Variants in NCAPG2 observed in about 807,000 individuals in gnomAD.
The protein encoded by NCAPG2 is non-SMC condensin II complex subunit G2, also known as condensin-2 complex subunit G2.
In NCAPG2, 53 loss-of-function variants were observed where a neutral mutation model predicts 141.1. The observed-to-expected ratio is 0.38, with a 90% confidence interval of 0.30 to 0.47. The LOEUF is 0.47. Ranked by LOEUF, NCAPG2 falls within the 20% of genes least tolerant of loss-of-function variation. The pLI is 0.99. For missense variants in NCAPG2, 1,087 were observed against 1,389.0 expected (o/e 0.78, Z 3.46); for synonymous variants, 499 against 490.7 (o/e 1.02, Z -0.22).
intron 25 of NCAPG2, 31 bp downstream of exon 25, chr7:158,646,429 C>T: frequency 2.0e-6 from 3 of 1,522,156 alleles, no homozygotes; most frequent in Admixed American, 1.8e-5. Context: ...CCACGATGAG[C>T]ATTTCAGGAC....
intron 13 of NCAPG2, among the ~76,000 whole-genome samples, chr7:158,667,461 C>G (rs111569765): frequency 9.4e-5 from 13 of 138,308 alleles, no homozygotes; most frequent in African/African-American, 2.6e-4. Context: ...GGTCCCTCCG[C>G]CCGCCTTACC....
chr7:158,697,068 T>G (rs1036008348), intron 2 of NCAPG2, among the ~76,000 whole-genome samples: 1 of 151,870 alleles, frequency 6.6e-6, no homozygotes, highest in Non-Finnish European at 1.5e-5. Flanking sequence ...AGTATATTCC[T>G]TCTACATTTT....
chr7:158,661,686 A>T (rs1832518504), intron 16 of NCAPG2, among the ~76,000 whole-genome samples: 2 of 152,248 alleles, frequency 1.3e-5, no homozygotes, highest in Non-Finnish European at 2.9e-5. Context: ...CATCATGTTG[A>T]ACACAATAAA....
In NCAPG2 at chr7:158,664,649, C is replaced by T. The variant is rs1222772717; in HGVS notation, c.1581G>A (p.Leu527=). 1.2e-6 allele frequency: 2 copies of T among 1,613,910 alleles called. No homozygotes were observed. Among genetic ancestry groups the T allele is most frequent in the African/African-American group, 2.7e-5 (2 of 74,862 alleles). The change falls in exon 14 of 28, where the codon CTG becomes CTA. Residue 527 remains leucine, a synonymous_variant. Transcript: ENST00000356309. ...RLVSLIFNSF[L]PVNQPEEVWC... is the part of the protein sequence containing the mutation. ...AGACCTCCTCCGGCTGATTCACAGG[C>T]AGGAAAGAATTAAAGATGAGGCTCA...
chr7:158,646,501 C>A lies in NCAPG2; in HGVS notation c.3138G>T (p.Arg1046Ser). 6.3e-7 allele frequency: 1 copy of A among 1,589,508 alleles called. No homozygotes were observed. The highest frequency in any genetic ancestry group is 8.5e-7 in the Non-Finnish European group (1 of 1,173,672). Reference sequence around the variant, plus strand: ...ACTTTATTATTATTCCTATTAAACACCTTGAAAATGGTGGAAGATCAGAAA... The same window carrying A: ...ACTTTATTATTATTCCTATTAAACAACTTGAAAATGGTGGAAGATCAGAAA... Reference protein sequence around the residue: ...EHLSDLPPFSRCLIGIIIKSS... With the variant: ...EHLSDLPPFSSCLIGIIIKSS... The change falls in exon 25 of 28, where the codon AGG becomes AGT. Residue 1046 changes from arginine to serine, a missense_variant. Physicochemically the swap from Arg to Ser is moderately radical, Grantham distance 110 (BLOSUM62 -1). Transcript: ENST00000356309.
At chr7:158,647,032 C>CA (rs577862237) in intron 24 of NCAPG2, among the ~76,000 whole-genome samples, 1,835 of 91,492 alleles carry the variant, frequency 0.02, 15 homozygotes, top group African/African-American at 0.052. Flanking sequence ...CTCAATATGA[C>CA]AAAAAAAAAA....
At chr7:158,689,129 T>C (rs1834968288) in intron 6 of NCAPG2, among the ~76,000 whole-genome samples, 2 of 152,200 alleles carry the variant, frequency 1.3e-5, no homozygotes, top group African/African-American at 4.8e-5. Context: ...CTCAATTCTT[T>C]AGTAGTCATG....
Position 158,687,565 on chromosome 7 carries a change from T to C in NCAPG2, c.673-123A>G. 5 of 694,062 alleles carry C rather than the reference T, an allele frequency of 7.2e-6. No individual in the cohort carries two copies. The South Asian group carries it at 7.7e-5, about 11-fold the overall frequency. 43.0% of individuals were successfully genotyped at this position (694,062 alleles called of 1,614,324 possible). On this transcript the variant is annotated intron_variant, in intron 6 of 27. Coordinates refer to ENST00000356309, the MANE Select transcript of NCAPG2 (RefSeq NM_017760.7). ...ATTGCTAAAAACGAGGCACATGTAA[T>C]TATCACTGAGAGCACATGCACGAGT...
At chr7:158,666,372 A>G (rs1832938602) in intron 13 of NCAPG2, among the ~76,000 whole-genome samples, 2 of 152,060 alleles carry the variant, frequency 1.3e-5, no homozygotes, top group Non-Finnish European at 1.5e-5. Context: ...CCTGCAGGTG[A>G]CAGTGCTGTT....
At chr7:158,673,805 A>G (rs967403262) in intron 12 of NCAPG2, among the ~76,000 whole-genome samples, 3 of 152,166 alleles carry the variant, frequency 2.0e-5, no homozygotes, top group African/African-American at 7.2e-5. Context: ...CCAGCACTTG[A>G]AGAGTAAGAG....
chr7:158,639,381 T>TACAGCTG (rs1830490333), intron 27 of NCAPG2, among the ~76,000 whole-genome samples: 1 of 152,212 alleles, frequency 6.6e-6, no homozygotes, highest in African/African-American at 2.4e-5. Context: ...GTGCTGGGAT[T>TACAGCTG]ACAGCTGTAA....
Position 158,636,999 on chromosome 7 carries a change from A to G in NCAPG2, c.3381-5282T>C, listed in dbSNP as rs11978127. On this transcript the variant is annotated intron_variant, in intron 27 of 27. Coordinates refer to ENST00000356309, the MANE Select transcript of NCAPG2 (RefSeq NM_017760.7). ...GCCCTGCTCTGTCACCCAGGCTGGA[A>G]TGCAGTGGTGTGATCTTGGCTCACT... Among the ~76,000 whole-genome samples the G allele has an allele frequency of 8.7e-3, 1,319 of 151,280 alleles. 21 individuals are homozygous for G. Among genetic ancestry groups the G allele is most frequent in the African/African-American group, 0.027 (1,097 of 41,068 alleles).
chr7:158,639,319 G>C (rs1255528876), intron 27 of NCAPG2, among the ~76,000 whole-genome samples: 5 of 152,050 alleles, frequency 3.3e-5, no homozygotes, highest in African/African-American at 1.2e-4. Context: ...CATTGCCCAG[G>C]CTGGTTGCGA....
At chr7:158,641,290 T>C (rs1830627380) in intron 27 of NCAPG2, 6 of 390,080 alleles carry the variant, frequency 1.5e-5, no homozygotes, top group Non-Finnish European at 2.7e-5. Flanking sequence ...AATCCAACTA[T>C]ATCAATAATC....
intron 16 of NCAPG2, 138 bp downstream of exon 16, chr7:158,662,056 G>T: frequency 1.2e-6 from 1 of 810,638 alleles, no homozygotes; most frequent in African/African-American, 1.8e-5. Flanking sequence ...ATACTGCAAG[G>T]TAAACACTAA....
At chr7:158,662,608 C>T (rs1309849999) in intron 15 of NCAPG2, among the ~76,000 whole-genome samples, 1 of 152,182 alleles carries the variant, frequency 6.6e-6, no homozygotes, top group Non-Finnish European at 1.5e-5. Flanking sequence ...GAAGAAAACT[C>T]CTCTAAAAAG....
chr7:158,638,016 T>C (rs1259135112), intron 27 of NCAPG2, among the ~76,000 whole-genome samples: 1 of 152,068 alleles, frequency 6.6e-6, no homozygotes. Flanking sequence ...TGGTGGCGCA[T>C]GCCTGTAATC....
At chr7:158,652,909 T>C (rs938705862) in intron 22 of NCAPG2, among the ~76,000 whole-genome samples, 3 of 152,226 alleles carry the variant, frequency 2.0e-5, no homozygotes, top group African/African-American at 7.2e-5. Context: ...CTAGTTATAA[T>C]TAGCTCCTCC....
intron 27 of NCAPG2, among the ~76,000 whole-genome samples, chr7:158,637,049 G>A (rs1263611683): frequency 2.6e-5 from 4 of 151,948 alleles, no homozygotes; most frequent in Non-Finnish European, 2.9e-5. Flanking sequence ...CCGGGTTCAT[G>A]CCATTCTCCT....
Sources: gnomAD v4.1 joint callset for allele counts (sites outside exome capture counted in the v4.1 genomes callset) on GRCh38, gnomAD v4.1.1 for gene constraint, MANE v1.5 for transcripts, NCBI Gene and HGNC (gene_info 2026-07-23, HGNC 2026-07-21) for gene names.